The following ARHGAP15 variants were observed in gnomAD, a reference collection of about 807,000 sequenced individuals.
The protein encoded by ARHGAP15 is Rho GTPase activating protein 15.
In ARHGAP15, 51 loss-of-function variants were observed where a neutral mutation model predicts 63.7. That is an observed-to-expected ratio of 0.80 (90% confidence interval 0.64 to 1.01). The LOEUF is 1.01. Ranked by LOEUF, ARHGAP15 falls within the 50% of genes least tolerant of loss-of-function variation. The pLI is 0.00. For synonymous variants in ARHGAP15, 191 were observed against 193.8 expected, an observed-to-expected ratio of 0.99 and a Z score of 0.12; for missense variants, 560 against 564.6, an observed-to-expected ratio of 0.99 and a Z score of 0.08.
intron 12 of ARHGAP15, among the ~76,000 whole-genome samples, chr2:143,665,763 A>C (rs1489150771): frequency 9.2e-5 from 14 of 151,712 alleles, no homozygotes; most frequent in African/African-American, 3.2e-4. Context: ...AGGCATTCTT[A>C]TACACCAATA....
chr2:143,399,629 G>GTGCCACCA (rs1160740285), intron 6 of ARHGAP15, among the ~76,000 whole-genome samples: 1 of 151,944 alleles, frequency 6.6e-6, no homozygotes, highest in Non-Finnish European at 1.5e-5. Context: ...TGTGAAATAG[G>GTGCCACCA]TGCCACCAGA....
At chr2:143,761,513 AAAAG>A (rs71983991) in intron 13 of ARHGAP15, among the ~76,000 whole-genome samples, 22,377 of 151,972 alleles carry the variant, frequency 0.15, 1,897 homozygotes, top group Non-Finnish European at 0.2. Context: ...GCACAAACTT[AAAAG>A]AAAGTTCACA....
At chr2:143,342,515 GAC>G (rs1473348962) in intron 6 of ARHGAP15, among the ~76,000 whole-genome samples, 1 of 152,042 alleles carries the variant, frequency 6.6e-6, no homozygotes, top group Non-Finnish European at 1.5e-5. Flanking sequence ...TATTCATCCA[GAC>G]ACATGATTCT....
intron 12 of ARHGAP15, among the ~76,000 whole-genome samples, chr2:143,650,450 T>C (rs1681104996): frequency 6.6e-6 from 1 of 151,926 alleles, no homozygotes; most frequent in Admixed American, 6.6e-5. Context: ...TCTTTTCTGG[T>C]TCTAAAATGT....
chr2:143,513,207 A>T (rs1313202229), intron 9 of ARHGAP15, among the ~76,000 whole-genome samples: 1 of 152,096 alleles, frequency 6.6e-6, no homozygotes, highest in East Asian at 1.9e-4. Context: ...TAGGCTCTTT[A>T]CTCACCAAGA....
chr2:143,254,874 A>T (rs867209347), intron 6 of ARHGAP15, among the ~76,000 whole-genome samples: 3 of 152,194 alleles, frequency 2.0e-5, no homozygotes, highest in African/African-American at 7.2e-5. Flanking sequence ...TATTAAAAAA[A>T]AAAAAGTTAT....
intron 12 of ARHGAP15, among the ~76,000 whole-genome samples, chr2:143,661,772 G>T (rs1420101165): frequency 6.6e-6 from 1 of 152,216 alleles, no homozygotes; most frequent in Non-Finnish European, 1.5e-5. Flanking sequence ...GAAGCGCAAG[G>T]GGTCAGGGAG....
At chr2:143,511,738 A>C (rs1298331131) in intron 9 of ARHGAP15, among the ~76,000 whole-genome samples, 6 of 152,150 alleles carry the variant, frequency 3.9e-5, no homozygotes, top group Admixed American at 3.9e-4. Flanking sequence ...TTTAAGATAG[A>C]AGTTTCCATG....
intron 8 of ARHGAP15, among the ~76,000 whole-genome samples, chr2:143,479,215 T>C (rs990511936): frequency 6.6e-6 from 1 of 152,228 alleles, no homozygotes; most frequent in Non-Finnish European, 1.5e-5. Flanking sequence ...AATATTCTTA[T>C]ATATGCATGT....
chr2:143,297,915 A>T (rs568005394), intron 6 of ARHGAP15, among the ~76,000 whole-genome samples: 1 of 152,106 alleles, frequency 6.6e-6, no homozygotes, highest in South Asian at 2.1e-4. Context: ...TTTTGAACAC[A>T]GTATCTCATT....
chr2:143,212,556 T>C (rs1692602268), intron 3 of ARHGAP15, among the ~76,000 whole-genome samples: 1 of 152,184 alleles, frequency 6.6e-6, no homozygotes, highest in African/African-American at 2.4e-5. Flanking sequence ...ATTTGGCAAG[T>C]AGTATCCTAA....
intron 6 of ARHGAP15, among the ~76,000 whole-genome samples, chr2:143,296,486 C>T (rs1682637738): frequency 6.6e-6 from 1 of 151,970 alleles, no homozygotes; most frequent in Non-Finnish European, 1.5e-5. Flanking sequence ...TGTGCACTTG[C>T]ACCCTAAGAA....
chr2:143,299,710 C>T (rs1298579246), intron 6 of ARHGAP15, among the ~76,000 whole-genome samples: 1 of 151,946 alleles, frequency 6.6e-6, no homozygotes, highest in African/African-American at 2.4e-5. Flanking sequence ...CACTCACAGT[C>T]CTTAATGAGG....
chr2:143,496,331 C>T (rs1346300947), intron 9 of ARHGAP15, among the ~76,000 whole-genome samples: 1 of 152,082 alleles, frequency 6.6e-6, no homozygotes, highest in Non-Finnish European at 1.5e-5. Context: ...ACACAGGAAA[C>T]AATCCAGGTC....
intron 4 of ARHGAP15, among the ~76,000 whole-genome samples, chr2:143,227,146 T>C (rs1693242001): frequency 6.6e-6 from 1 of 152,236 alleles, no homozygotes; most frequent in Admixed American, 6.5e-5. Flanking sequence ...ATCTCCTTAA[T>C]ATCTTTACTA....
intron 12 of ARHGAP15, among the ~76,000 whole-genome samples, chr2:143,667,314 T>A (rs373460306): frequency 2.0e-5 from 3 of 147,122 alleles, no homozygotes; most frequent in Admixed American, 6.9e-5. Context: ...GTAAACTATC[T>A]CAAGAACAAA....
intron 2 of ARHGAP15, among the ~76,000 whole-genome samples, chr2:143,170,549 ACT>A (rs1178236397): frequency 6.6e-6 from 1 of 151,272 alleles, no homozygotes; most frequent in Non-Finnish European, 1.5e-5. Context: ...AAGCCCTGAA[ACT>A]CTCCCTACTG....
At chr2:143,660,929 G>A (rs970618280) in intron 12 of ARHGAP15, among the ~76,000 whole-genome samples, 14 of 152,162 alleles carry the variant, frequency 9.2e-5, no homozygotes, top group African/African-American at 3.1e-4. Context: ...TTAGAAGTCT[G>A]GCACTGGTCT....
chr2:143,369,544 A>G (rs189238577), intron 6 of ARHGAP15, among the ~76,000 whole-genome samples: 75 of 152,212 alleles, frequency 4.9e-4, no homozygotes, highest in African/African-American at 1.7e-3. Context: ...ATCCTGAGTA[A>G]TGTAGAGCTG....
Sources: allele counts gnomAD v4.1 joint callset (sites outside exome capture counted in the v4.1 genomes callset), GRCh38; gene constraint gnomAD v4.1.1; transcripts MANE v1.5; gene names NCBI Gene and HGNC (gene_info 2026-07-23, HGNC 2026-07-21).